Variants in SNRNP200 observed in about 807,000 individuals in gnomAD.
The protein encoded by SNRNP200 is U5 small nuclear ribonucleoprotein 200 kDa helicase.
A neutral mutation model predicts 255.2 loss-of-function variants in SNRNP200; 66 were observed. The observed-to-expected ratio is 0.26, with a 90% CI of 0.21 to 0.32. SNRNP200 has a LOEUF of 0.32. SNRNP200 is among the 10% of genes least tolerant of loss of function. The pLI is 1.00. For missense variants in SNRNP200, 1,585 were observed against 2,749.8 expected (o/e 0.58, Z 9.47); for synonymous variants, 939 against 1,027.8 (o/e 0.91, Z 1.65).
intron 9 of SNRNP200, 44 bp from the exon 10 acceptor site, chr2:96,297,764 A>G: frequency 1.2e-6 from 2 of 1,605,900 alleles, no homozygotes; most frequent in South Asian, 2.2e-5. Flanking sequence ...ATTCATCAGT[A>G]TCATAGGTTC....
rs2063846575 is a variant in SNRNP200, at chr2:96,286,794, G to A, written c.3723C>T (p.Leu1241=). 4.3e-6 allele frequency: 7 copies of A among 1,614,220 alleles called. No individual in the cohort carries two copies. The highest frequency in any genetic ancestry group is 5.9e-6 in the Non-Finnish European group (7 of 1,180,046). ...EVILHHEYFL[L]KAKYAQDEHL... is the part of the protein sequence containing the mutation. ...GCTCGTCCTGGGCGTACTTGGCCTT[G>A]AGGAGAAAATACTCATGGTGCAGAA... Residue 1241 remains leucine (L), a synonymous_variant, in exon 28 of 45, where the codon CTC becomes CTT. Coordinates refer to ENST00000323853, the MANE Select transcript of SNRNP200 (RefSeq NM_014014.5). The surrounding 1 kb of genome is among the most constrained non-coding windows in gnomAD (Gnocchi z 4.8).
rs2104339319 is a variant in SNRNP200, at chr2:96,283,289, G to T, written c.4827C>A (p.Leu1609=). 4 of 1,614,058 alleles carry T rather than the reference G, an allele frequency of 2.5e-6. No homozygotes were observed. Among genetic ancestry groups the T allele is most frequent in the Middle Eastern group, 3.3e-4 (2 of 6,062 alleles). ...CCACCCCATTTAGCAGCGTTTCCTT[G>T]AGCGTGCTGTCACTTAGCTTCTCCA... The part of the protein sequence containing the change: ...PYLEKLSDST[L]KETLLNGVGY... Residue 1609 remains leucine (L), a synonymous_variant, in exon 34 of 45, where the codon CTC becomes CTA. Coordinates refer to ENST00000323853, the MANE Select transcript of SNRNP200 (RefSeq NM_014014.5). This position sits in a 1 kb window ranked among gnomAD's most constrained non-coding sequence, Gnocchi z 4.7.
Position 96,286,734 on chromosome 2 carries a change from C to A in SNRNP200, c.3783G>T (p.Pro1261=), listed in dbSNP as rs770679567. The A allele has an allele frequency of 2.5e-6, 4 of 1,613,972 alleles. No individual in the cohort carries two copies. Among genetic ancestry groups the A allele is most frequent in the South Asian group, 1.1e-5 (1 of 91,086 alleles). ...LITFFVPVFE[P]LPPQYFIRVV... Reference sequence around the variant, plus strand: ...CTCGGATGAAGTACTGAGGGGGCAGCGGTTCAAAGACAGGCACGAAGAATG... The same window carrying A: ...CTCGGATGAAGTACTGAGGGGGCAGAGGTTCAAAGACAGGCACGAAGAATG... The change falls in exon 28 of 45, where the codon CCG becomes CCT. Residue 1261 remains proline (P), a synonymous_variant. Transcript: ENST00000323853. This position sits in a 1 kb window ranked among gnomAD's most constrained non-coding sequence, Gnocchi z 4.8.
chr2:96,298,604 C>T lies in SNRNP200; in HGVS notation c.981G>A (p.Met327Ile). The change falls in exon 8 of 45, where the codon ATG (methionine) becomes ATA (isoleucine). Residue 327 changes from methionine (M) to isoleucine (I), a missense_variant and splice_region_variant. By Grantham distance (10) the Met-to-Ile change is conservative (BLOSUM62 1). Coordinates refer to ENST00000323853, the MANE Select transcript of SNRNP200 (RefSeq NM_014014.5). The stretch of plus-strand genomic sequence containing the variant: ...AGGAAGACCCCACCATATACTCACT[C>T]ATCATCCTGTGCTGCCGCAACACTT... The part of the protein sequence containing the change: ...FIKVLRQHRM[M>I]ILYCTLLASA... 6.2e-7 allele frequency: 1 copy of T among 1,614,010 alleles called. No homozygotes were observed. The highest frequency in any genetic ancestry group is 8.5e-7 in the Non-Finnish European group (1 of 1,179,842).
At chr2:96,298,087 G>C (rs980459619) in intron 9 of SNRNP200, among the ~76,000 whole-genome samples, 197 bp downstream of exon 9, 2 of 152,244 alleles carry the variant, frequency 1.3e-5, no homozygotes, top group African/African-American at 2.4e-5. Flanking sequence ...GCTGGTGAAA[G>C]ATAGCAGCAG....
Position 96,301,552 on chromosome 2 carries a change from A to C in SNRNP200, c.546T>G (p.Tyr182Ter). 1 of 1,614,200 alleles carries C rather than the reference A, an allele frequency of 6.2e-7. No homozygotes were observed. Among genetic ancestry groups the C allele is most frequent in the Non-Finnish European group, 8.5e-7 (1 of 1,180,020 alleles). Residue 182 changes from tyrosine to a stop codon, truncating the protein, a stop_gained, in exon 4 of 45, where the codon TAT becomes TAG. Coordinates refer to ENST00000323853, the MANE Select transcript of SNRNP200 (RefSeq NM_014014.5). LOFTEE classifies it high-confidence loss of function. ...TATTTTGGATTTCCTTATCTCCACC[A>C]TAGTCTGTGATCTTTTTGCCCAGGT... ...LVNLGKKITDYGGDKEIQNMD... is the reference protein window; with the variant it reads ...LVNLGKKITD
In SNRNP200 at chr2:96,277,763, G is replaced by A; in HGVS notation, c.5754+44C>T. On this transcript the variant is annotated intron_variant, in intron 40 of 44. Coordinates refer to ENST00000323853, the MANE Select transcript of SNRNP200 (RefSeq NM_014014.5). The surrounding 1 kb of genome is among the most constrained non-coding windows in gnomAD (Gnocchi z 4.4). ...AAGTGGGCGGAGTTGGAGCTGAGATGTTTAGAGCACCACTGACCCCTCTGC... is the reference window on the plus strand; with the variant it reads ...AAGTGGGCGGAGTTGGAGCTGAGATATTTAGAGCACCACTGACCCCTCTGC... The A allele has an allele frequency of 1.2e-6, 2 of 1,614,112 alleles. No individual in the cohort carries two copies. The highest frequency in any genetic ancestry group is 2.2e-5 in the East Asian group (1 of 44,884).
chr2:96,305,286 C>T, intron 1 of SNRNP200, 107 bp downstream of exon 1: 1 of 1,409,524 alleles, frequency 7.1e-7, no homozygotes, highest in Non-Finnish European at 1.0e-6. Flanking sequence ...ATTTCCCCTT[C>T]GTTTTCGTGG....
At chr2:96,304,416 T>C (rs964233968) in intron 2 of SNRNP200, among the ~76,000 whole-genome samples, 5 of 152,276 alleles carry the variant, frequency 3.3e-5, no homozygotes, top group Middle Eastern at 3.4e-3. Flanking sequence ...AACGAATTAC[T>C]GGGACATAGG....
In SNRNP200 at chr2:96,303,213, A is replaced by C. The variant is rs2063964270; in HGVS notation, c.327T>G (p.Thr109=). The C allele has an allele frequency of 6.2e-7, 1 of 1,614,200 alleles. No individual in the cohort carries two copies. ...GIIYKPKTKE[T]RETYEVLLSF... ...TGAGTAGCACCTCATAGGTCTCCCG[A>C]GTCTCTTTAGTTTTGGGCTTGTAGA... The change falls in exon 3 of 45, where the codon ACT becomes ACG. Residue 109 remains threonine (T), a synonymous_variant. Coordinates refer to ENST00000323853, the MANE Select transcript of SNRNP200 (RefSeq NM_014014.5).
chr2:96,299,530 T>C, intron 5 of SNRNP200, 103 bp from the exon 6 acceptor site: 3 of 988,790 alleles, frequency 3.0e-6, no homozygotes, highest in Non-Finnish European at 4.8e-6. Context: ...GGTAGAGAAA[T>C]GGCTTTGGGG....
intron 5 of SNRNP200, among the ~76,000 whole-genome samples, chr2:96,300,298 C>T (rs1574000911): frequency 6.6e-6 from 1 of 152,140 alleles, no homozygotes; most frequent in Non-Finnish European, 1.5e-5. Context: ...TATGTCTGTG[C>T]TCTAGGGCAA....
At position 96,276,533 on chromosome 2, in the gene SNRNP200, T is replaced by C. The variant is rs187714647; in HGVS notation, c.6174+371A>G. On this transcript the variant is annotated intron_variant, in intron 43 of 44. Coordinates refer to ENST00000323853, the MANE Select transcript of SNRNP200 (RefSeq NM_014014.5). ...GCCTCCTGGGTTCACACCATTCTCC[T>C]GACTCAACCTCCTGAGTAGCTGGGA... The C allele has an allele frequency of 9.9e-4, 328 of 332,542 alleles. 2 individuals are homozygous for C. Among genetic ancestry groups the C allele is most frequent in the African/African-American group, 5.8e-3 (270 of 46,438 alleles). 20.6% of individuals were successfully genotyped at this position (332,542 alleles called of 1,614,324 possible).
At chr2:96,305,214 G>A (rs2063980008) in intron 1 of SNRNP200, among the ~76,000 whole-genome samples, 179 bp downstream of exon 1, 2 of 152,046 alleles carry the variant, frequency 1.3e-5, no homozygotes, top group South Asian at 4.1e-4. Flanking sequence ...AGATCTTAGC[G>A]CTCCCCAGAC....
chr2:96,274,828 A>G lies in SNRNP200; in HGVS notation c.*184T>C. The G allele has an allele frequency of 1.5e-6, 1 of 689,600 alleles. No homozygotes were observed. Among genetic ancestry groups the G allele is most frequent in the Admixed American group, 2.1e-5 (1 of 46,516 alleles). 42.7% of individuals were successfully genotyped at this position (689,600 alleles called of 1,614,324 possible). A position where few individuals can be genotyped will look rare whatever the true frequency, so the allele number is the denominator to read the frequency against. On this transcript the variant is annotated 3_prime_UTR_variant, in exon 45 of 45. Transcript: ENST00000323853. The stretch of plus-strand genomic sequence containing the variant: ...ATATGATTTATGCTTGACCCATGAC[A>G]CCTGCTGTCACTGGATCCAGAGTGA...
At position 96,287,826 on chromosome 2, in the gene SNRNP200, C is replaced by T. The variant is rs370041547; in HGVS notation, c.3365+37G>A. 6.3e-7 allele frequency: 1 copy of T among 1,581,640 alleles called. No individual in the cohort carries two copies. The highest frequency in any genetic ancestry group is 1.3e-5 in the African/African-American group (1 of 74,272). Reference sequence around the variant, plus strand: ...CAGACCCTTGGGTTGGGGACCCCCACTCATGGTGACCAGCATCCAGCTCAC... The same window carrying T: ...CAGACCCTTGGGTTGGGGACCCCCATTCATGGTGACCAGCATCCAGCTCAC... On this transcript the variant is annotated intron_variant, in intron 25 of 44. Transcript: ENST00000323853. This position sits in a 1 kb window ranked among gnomAD's most constrained non-coding sequence, Gnocchi z 5.7.
In SNRNP200 at chr2:96,287,173, G is replaced by A. The variant is rs2063849355; in HGVS notation, c.3485-13C>T. The A allele has an allele frequency of 1.9e-6, 3 of 1,614,050 alleles. No homozygotes were observed. The highest frequency in any genetic ancestry group is 2.7e-5 in the African/African-American group (2 of 74,934). ...CGGATAAGCTCCCCTACAAGGAAATGAGAGTACTGAGGCTGCAGCCCAGCC... is the reference window on the plus strand; with the variant it reads ...CGGATAAGCTCCCCTACAAGGAAATAAGAGTACTGAGGCTGCAGCCCAGCC... On this transcript the variant is annotated splice_polypyrimidine_tract_variant and intron_variant, in intron 26 of 44. Coordinates refer to ENST00000323853, the MANE Select transcript of SNRNP200 (RefSeq NM_014014.5). The surrounding 1 kb of genome is among the most constrained non-coding windows in gnomAD (Gnocchi z 5.7).
chr2:96,298,440 C>A lies in SNRNP200; in HGVS notation c.983-20G>T. The A allele has an allele frequency of 6.2e-7, 1 of 1,613,902 alleles. No individual in the cohort carries two copies. Among genetic ancestry groups the A allele is most frequent in the Non-Finnish European group, 8.5e-7 (1 of 1,179,978 alleles). ...ATAAAACTACCCACAACAAAAGGAA[C>A]AAAGGAAGTGAGGAGGAGGAAATAA... is the stretch of plus-strand genomic sequence containing the variant. On this transcript the variant is annotated intron_variant, in intron 8 of 44. Coordinates refer to ENST00000323853, the MANE Select transcript of SNRNP200 (RefSeq NM_014014.5).
At chr2:96,275,446 A>C in intron 43 of SNRNP200, 97 bp from the exon 44 acceptor site, 1 of 1,029,258 alleles carries the variant, frequency 9.7e-7, no homozygotes, top group Non-Finnish European at 1.5e-6. Flanking sequence ...AACAAAAATC[A>C]GATAGCTTTC....
Sources: allele counts gnomAD v4.1 joint callset (sites outside exome capture counted in the v4.1 genomes callset), GRCh38; gene constraint gnomAD v4.1.1; non-coding constraint Gnocchi (gnomAD v3.1); transcripts MANE v1.5; gene names NCBI Gene and HGNC (gene_info 2026-07-23, HGNC 2026-07-21).